The following PDE11A variants were observed in gnomAD, a reference collection of about 807,000 sequenced individuals.
The protein encoded by PDE11A is dual 3',5'-cyclic-AMP and -GMP phosphodiesterase 11A.
In PDE11A, 100 loss-of-function variants were observed where a neutral mutation model predicts 100.5. That is an observed-to-expected ratio of 1.00 (90% CI 0.85 to 1.18). The LOEUF (loss-of-function observed/expected upper bound fraction) is 1.18, where lower values mean the gene tolerates loss of function less well. PDE11A is among the 50% of genes most tolerant of loss of function. PDE11A has a pLI of 0.00. For synonymous variants in PDE11A, 381 were observed against 420.8 expected, an observed-to-expected ratio of 0.91 and a Z score of 1.16; for missense variants, 1,141 against 1,152.6, an observed-to-expected ratio of 0.99 and a Z score of 0.15.
intron 4 of PDE11A, among the ~76,000 whole-genome samples, chr2:177,882,475 T>G (rs567395924): frequency 6.6e-6 from 1 of 152,380 alleles, no homozygotes; most frequent in East Asian, 1.9e-4. Context: ...TTCTTAGTTT[T>G]ATTAATTTTA....
intron 6 of PDE11A, among the ~76,000 whole-genome samples, chr2:177,835,530 C>A (rs2083382801): frequency 6.6e-6 from 1 of 152,212 alleles, no homozygotes; most frequent in African/African-American, 2.4e-5. Context: ...GCAGCCCTCG[C>A]TTGCTCTTGG....
intron 2 of PDE11A, among the ~76,000 whole-genome samples, chr2:178,002,514 C>G (rs1191822957): frequency 6.6e-6 from 1 of 152,120 alleles, no homozygotes; most frequent in Non-Finnish European, 1.5e-5. Flanking sequence ...AACCAAATAG[C>G]AAGATTATAG....
At chr2:177,919,864 A>G (rs531569754) in intron 2 of PDE11A, among the ~76,000 whole-genome samples, 1 of 152,312 alleles carries the variant, frequency 6.6e-6, no homozygotes. Flanking sequence ...GAGAAATAAG[A>G]GGAACCAATT....
chr2:177,747,034 A>C (rs1479654146), intron 10 of PDE11A, among the ~76,000 whole-genome samples: 2 of 152,194 alleles, frequency 1.3e-5, no homozygotes, highest in African/African-American at 4.8e-5. Flanking sequence ...GGAGAGGAGA[A>C]AAGAAGGAAA....
intron 1 of PDE11A, among the ~76,000 whole-genome samples, chr2:178,070,305 T>G (rs527861779): frequency 6.6e-6 from 1 of 152,316 alleles, no homozygotes; most frequent in South Asian, 2.1e-4. Context: ...TTGGCAGATA[T>G]CTCACAAAAA....
At chr2:177,903,910 G>A (rs1466636654) in intron 3 of PDE11A, among the ~76,000 whole-genome samples, 3 of 152,164 alleles carry the variant, frequency 2.0e-5, no homozygotes, top group Admixed American at 2.0e-4. Context: ...TAAGACATGG[G>A]GCTAAAGATG....
chr2:177,675,935 A>G (rs2080766326), intron 16 of PDE11A: 1 of 324,376 alleles, frequency 3.1e-6, no homozygotes, highest in African/African-American at 2.2e-5. Context: ...TCATTGATTG[A>G]TGGGAACAAA....
At chr2:177,787,070 C>A in intron 9 of PDE11A, among the ~76,000 whole-genome samples, 1 of 138,954 alleles carries the variant, frequency 7.2e-6, no homozygotes, top group Non-Finnish European at 1.6e-5. Context: ...AAGAGCAACT[C>A]CAAGACAAAT....
intron 10 of PDE11A, among the ~76,000 whole-genome samples, chr2:177,752,517 T>G (rs1439496538): frequency 6.6e-6 from 1 of 152,166 alleles, no homozygotes; most frequent in Admixed American, 6.5e-5. Context: ...ATAACTCAGG[T>G]CTCCTGAATT....
At chr2:177,656,716 T>C (rs999791063) in intron 19 of PDE11A, among the ~76,000 whole-genome samples, 2 of 152,080 alleles carry the variant, frequency 1.3e-5, no homozygotes, top group African/African-American at 4.8e-5. Context: ...ATACAGAGTG[T>C]GTGGTTATAA....
intron 10 of PDE11A, among the ~76,000 whole-genome samples, chr2:177,732,257 T>G (rs866388953): frequency 6.6e-6 from 1 of 152,208 alleles, no homozygotes; most frequent in African/African-American, 2.4e-5. Context: ...TTAGGGAAGA[T>G]CCAAACAATT....
At chr2:177,814,324 T>G (rs6729482) in intron 9 of PDE11A, among the ~76,000 whole-genome samples, 1 of 151,860 alleles carries the variant, frequency 6.6e-6, no homozygotes, top group African/African-American at 2.4e-5. Context: ...TATACGTATA[T>G]CTCATTCCTG....
chr2:177,867,592 G>C (rs2084052495), intron 5 of PDE11A, among the ~76,000 whole-genome samples: 3 of 152,168 alleles, frequency 2.0e-5, no homozygotes. Context: ...GCTGGGTGTG[G>C]TGGCGGGCCT....
At chr2:177,927,640 G>A (rs896959341) in intron 2 of PDE11A, among the ~76,000 whole-genome samples, 1 of 152,072 alleles carries the variant, frequency 6.6e-6, no homozygotes, top group East Asian at 1.9e-4. Context: ...GGTAAAATGG[G>A]ACAATAAAAT....
At chr2:177,653,799 T>G (rs2080343526) in intron 19 of PDE11A, among the ~76,000 whole-genome samples, 1 of 152,190 alleles carries the variant, frequency 6.6e-6, no homozygotes, top group African/African-American at 2.4e-5. Context: ...CAAATACATT[T>G]CTGTTATTTT....
rs190895046 is a variant in PDE11A, at chr2:177,788,663, G to T, written c.1738-19290C>A. On this transcript the variant is annotated intron_variant, in intron 9 of 19. Transcript: ENST00000286063. ...CTAGCAAGACTAATAAAGAAAAAAA[G>T]AGAGAAGAATCAAATAGATGCAATA... 6.5e-3 allele frequency among the ~76,000 whole-genome samples: 984 copies of T among 152,158 alleles called. 14 individuals are homozygous for T. The highest frequency in any genetic ancestry group is 0.022 in the African/African-American group (924 of 41,506).
chr2:177,924,487 G>A (rs926993114), intron 2 of PDE11A, among the ~76,000 whole-genome samples: 1 of 152,180 alleles, frequency 6.6e-6, no homozygotes, highest in East Asian at 1.9e-4. Context: ...GGCCACGAGA[G>A]CTAGAGAAGG....
chr2:177,676,305 C>A (rs890858292), intron 16 of PDE11A, among the ~76,000 whole-genome samples: 1 of 152,174 alleles, frequency 6.6e-6, no homozygotes, highest in Admixed American at 6.5e-5. Context: ...CACTCTGTCC[C>A]AAATCTGCTT....
At chr2:178,052,031 A>ACT (rs2086835145) in intron 1 of PDE11A, among the ~76,000 whole-genome samples, 2 of 151,968 alleles carry the variant, frequency 1.3e-5, no homozygotes, top group Admixed American at 1.3e-4. Flanking sequence ...CATCTACAGA[A>ACT]CTCTCCACCG....
Sources: gnomAD v4.1 joint callset for allele counts (sites outside exome capture counted in the v4.1 genomes callset) on GRCh38, gnomAD v4.1.1 for gene constraint, MANE v1.5 for transcripts, NCBI Gene and HGNC (gene_info 2026-07-23, HGNC 2026-07-21) for gene names.